Variants in GRIA3 observed in about 807,000 individuals in gnomAD.
The protein encoded by GRIA3 is glutamate receptor 3.
Under a neutral mutation model 63.0 loss-of-function variants are expected in GRIA3, and 3 were observed. The ratio of observed to expected loss-of-function variants is 0.05; its 90% CI spans 0.02 to 0.12. GRIA3 has a LOEUF of 0.12. Ranked by LOEUF, GRIA3 falls within the 10% of genes least tolerant of loss-of-function variation. The pLI, the probability that GRIA3 is intolerant of heterozygous loss-of-function variation, is 1.00. For missense variants in GRIA3, 347 were observed against 700.9 expected, an observed-to-expected ratio of 0.50 and a Z score of 5.70; for synonymous variants, 274 against 257.9, an observed-to-expected ratio of 1.06 and a Z score of -0.60.
chrX:123,191,159 A>G (rs1927423323), intron 2 of GRIA3, among the ~76,000 whole-genome samples: 1 of 112,360 alleles, frequency 8.9e-6, no homozygotes, highest in Admixed American at 9.4e-5. Context: ...AATTTGAAGG[A>G]CCTTTCATAA....
intron 4 of GRIA3, among the ~76,000 whole-genome samples, chrX:123,353,292 T>C (rs1349149560): frequency 8.9e-6 from 1 of 112,183 alleles, no homozygotes; most frequent in Non-Finnish European, 1.9e-5. Context: ...CCATGTGAAG[T>C]ACTGCCAAGA....
chrX:123,216,479 C>T (rs1379908593), intron 2 of GRIA3, among the ~76,000 whole-genome samples: 1 of 111,457 alleles, frequency 9.0e-6, no homozygotes, highest in Non-Finnish European at 1.9e-5. Flanking sequence ...GCAACTGCTA[C>T]AGTGTCCCTT....
rs756613488 is a variant in GRIA3 at position 123,428,256 on chromosome X, A to G, written c.2076+117A>G. ...GAAAGAGTGGGAATGTTATCAAAGGAGAGCATCTTAAATACTGGGCTGCTT... is the reference window on the plus strand; with the variant it reads ...GAAAGAGTGGGAATGTTATCAAAGGGGAGCATCTTAAATACTGGGCTGCTT... On this transcript the variant is annotated intron_variant, in intron 12 of 15. Coordinates refer to ENST00000620443, the MANE Select transcript of GRIA3 (RefSeq NM_007325.5). 9 of 549,198 alleles carry G rather than the reference A, an allele frequency of 1.6e-5. No homozygotes were observed. The South Asian group carries it at 2.2e-4, about 13-fold the overall frequency. The allele number at this position is 549,198 out of a possible 1,213,427, so 45.3% of individuals were successfully genotyped here. A position where few individuals can be genotyped will look rare whatever the true frequency, so the allele number is the denominator to read the frequency against.
chrX:123,390,912 T>A (rs1054341329), intron 5 of GRIA3, among the ~76,000 whole-genome samples: 1 of 111,183 alleles, frequency 9.0e-6, no homozygotes, highest in African/African-American at 3.3e-5. Flanking sequence ...CTTGATCTAG[T>A]CTAGTGTTGA....
chrX:123,366,839 G>A (rs1450661668), intron 5 of GRIA3, among the ~76,000 whole-genome samples: 1 of 111,423 alleles, frequency 9.0e-6, no homozygotes, highest in Non-Finnish European at 1.9e-5. Flanking sequence ...TTTAATTGGA[G>A]AGTCATTGGT....
intron 13 of GRIA3, among the ~76,000 whole-genome samples, chrX:123,471,312 G>A (rs772950645): frequency 5.1e-4 from 56 of 110,607 alleles, no homozygotes; most frequent in Middle Eastern, 4.7e-3. Context: ...TTCTACCACC[G>A]GAAAAAAATG....
chrX:123,301,854 A>AAT (rs1195200671), intron 3 of GRIA3, among the ~76,000 whole-genome samples: 1 of 112,229 alleles, frequency 8.9e-6, no homozygotes, highest in African/African-American at 3.2e-5. Flanking sequence ...AGTATTAGGC[A>AAT]ATAAGCTGAC....
rs749241383 is a variant in GRIA3, at chrX:123,462,373, T to C, written c.2077-2492T>C. Among the ~76,000 whole-genome samples the C allele has an allele frequency of 1.2e-4, 14 of 112,064 alleles. No homozygotes were observed. In the East Asian group the frequency reaches 1.4e-3, roughly 11 times the overall value. Reference sequence around the variant, plus strand: ...AAGATCTGGCCTCTGATTATCCACCTAAGCTCATTTCCTACGACTCTCCCT... The same window carrying C: ...AAGATCTGGCCTCTGATTATCCACCCAAGCTCATTTCCTACGACTCTCCCT... On this transcript the variant is annotated intron_variant, in intron 12 of 15. Transcript: ENST00000620443.
At chrX:123,367,221 G>A (rs943207244) in intron 5 of GRIA3, among the ~76,000 whole-genome samples, 6 of 111,427 alleles carry the variant, frequency 5.4e-5, no homozygotes, top group African/African-American at 2.0e-4. Context: ...TAAACAAAAG[G>A]AACCATTGTT....
At chrX:123,402,342 A>G in intron 7 of GRIA3, among the ~76,000 whole-genome samples, 1 of 110,169 alleles carries the variant, frequency 9.1e-6, no homozygotes. Context: ...ATGTATTCTG[A>G]TGCTTAATAG....
chrX:123,201,163 A>C (rs1927730667), intron 2 of GRIA3, among the ~76,000 whole-genome samples: 1 of 112,179 alleles, frequency 8.9e-6, no homozygotes, highest in African/African-American at 3.2e-5. Flanking sequence ...GGAGTCAAAA[A>C]ACTTGAGTTC....
chrX:123,374,324 G>T (rs1228334237), intron 5 of GRIA3, among the ~76,000 whole-genome samples: 3 of 111,987 alleles, frequency 2.7e-5, no homozygotes, highest in Non-Finnish European at 5.6e-5. Flanking sequence ...GCCTAGGATT[G>T]TCTTGGCAAT....
At chrX:123,275,856 T>C (rs967493204) in intron 3 of GRIA3, among the ~76,000 whole-genome samples, 1 of 112,314 alleles carries the variant, frequency 8.9e-6, no homozygotes, top group African/African-American at 3.2e-5. Context: ...AAGCTCCAAA[T>C]GTGCCTTTTC....
intron 3 of GRIA3, among the ~76,000 whole-genome samples, chrX:123,254,700 A>G (rs1157611645): frequency 1.8e-5 from 2 of 111,528 alleles, no homozygotes; most frequent in African/African-American, 3.3e-5. Flanking sequence ...GTATTTCCCT[A>G]TTGTACTTAC....
chrX:123,347,039 GCAAC>G (rs1296173629), intron 4 of GRIA3, among the ~76,000 whole-genome samples: 1 of 111,806 alleles, frequency 8.9e-6, no homozygotes, highest in Non-Finnish European at 1.9e-5. Context: ...CTGATTTCAA[GCAAC>G]CAATGGTTTA....
At chrX:123,261,115 A>G (rs1016591858) in intron 3 of GRIA3, among the ~76,000 whole-genome samples, 4 of 111,684 alleles carry the variant, frequency 3.6e-5, no homozygotes, top group Admixed American at 1.9e-4. Context: ...ACTCTCCACA[A>G]AGGTTATTAG....
intron 4 of GRIA3, among the ~76,000 whole-genome samples, chrX:123,330,522 A>T (rs184506865): frequency 8.9e-6 from 1 of 112,510 alleles, no homozygotes; most frequent in Non-Finnish European, 1.9e-5. Flanking sequence ...ATTAGAGAAG[A>T]TCCAAAGAAG....
intron 12 of GRIA3, among the ~76,000 whole-genome samples, chrX:123,462,152 T>C (rs1357811128): frequency 9.0e-6 from 1 of 111,443 alleles, no homozygotes; most frequent in Admixed American, 9.5e-5. Flanking sequence ...CCCTCTGGAA[T>C]ATCAGAATAG....
At chrX:123,318,257 G>T (rs772929445) in intron 3 of GRIA3, among the ~76,000 whole-genome samples, 1 of 109,996 alleles carries the variant, frequency 9.1e-6, no homozygotes, top group African/African-American at 3.5e-5. Context: ...GACATGGCCT[G>T]GAGACATTTT....
Sources: allele counts gnomAD v4.1 joint callset (sites outside exome capture counted in the v4.1 genomes callset), GRCh38; gene constraint gnomAD v4.1.1; transcripts MANE v1.5; gene names NCBI Gene and HGNC (gene_info 2026-07-23, HGNC 2026-07-21).